PTPRK: variants seen among roughly 807,000 people sequenced by gnomAD.
PTPRK encodes protein tyrosine phosphatase receptor type K.
In PTPRK, 75 loss-of-function variants were observed where a neutral mutation model predicts 178.0. That is an observed-to-expected ratio of 0.42 (90% CI 0.35 to 0.51). The LOEUF (loss-of-function observed/expected upper bound fraction) is 0.51, where lower values mean the gene tolerates loss of function less well. Ranked by LOEUF, PTPRK falls within the 20% of genes least tolerant of loss-of-function variation. PTPRK has a pLI of 0.02. For synonymous variants in PTPRK, 637 were observed against 620.6 expected (o/e 1.03, Z -0.39); for missense variants, 1,441 against 1,797.8 (o/e 0.80, Z 3.59).
intron 3 of PTPRK, among the ~76,000 whole-genome samples, chr6:128,272,817 T>A (rs986461739): frequency 6.6e-6 from 1 of 152,152 alleles, no homozygotes. Flanking sequence ...CTCAAGGATC[T>A]AGAACTAGAA....
At chr6:128,330,169 A>G (rs1430265364) in intron 2 of PTPRK, among the ~76,000 whole-genome samples, 1 of 152,220 alleles carries the variant, frequency 6.6e-6, no homozygotes, top group Non-Finnish European at 1.5e-5. Flanking sequence ...CTTAAGAAGC[A>G]ATAATCAGGA....
In PTPRK at chr6:128,269,342, C is replaced by A. The variant is rs1819429907; in HGVS notation, c.496-26740G>T. Among the ~76,000 whole-genome samples the A allele has an allele frequency of 2.0e-5, 3 of 151,714 alleles. No individual in the cohort carries two copies. In the South Asian group the frequency reaches 6.2e-4, roughly 31 times the overall value. ...AAAGCTAAAATAAAGACAATCCCAG[C>A]AGCCAAAAAGCCAGAGACTAGATAA... On this transcript the variant is annotated intron_variant, in intron 3 of 29. Coordinates refer to ENST00000368226, the MANE Select transcript of PTPRK (RefSeq NM_002844.4).
At chr6:128,121,340 A>T (rs17055324) in intron 7 of PTPRK, among the ~76,000 whole-genome samples, 1 of 151,956 alleles carries the variant, frequency 6.6e-6, no homozygotes, top group African/African-American at 2.4e-5. Context: ...GATAGCTGCA[A>T]GTGATACAAA....
intron 7 of PTPRK, among the ~76,000 whole-genome samples, chr6:128,152,430 G>A (rs927909028): frequency 9.9e-5 from 15 of 151,914 alleles, no homozygotes; most frequent in African/African-American, 3.4e-4. Flanking sequence ...GGGATATCAG[G>A]GGAGAGGCAC....
At chr6:128,430,500 A>T (rs1248252353) in intron 1 of PTPRK, among the ~76,000 whole-genome samples, 1 of 152,232 alleles carries the variant, frequency 6.6e-6, no homozygotes, top group African/African-American at 2.4e-5. Flanking sequence ...TATACTAAGT[A>T]CTAATGATGC....
intron 2 of PTPRK, among the ~76,000 whole-genome samples, chr6:128,383,197 A>T (rs1217727877): frequency 6.6e-6 from 1 of 152,234 alleles, no homozygotes; most frequent in African/African-American, 2.4e-5. Flanking sequence ...TACATAAAGC[A>T]ACATGTTCTT....
At chr6:128,377,954 CAT>C (rs201391864) in intron 2 of PTPRK, among the ~76,000 whole-genome samples, 3,434 of 152,144 alleles carry the variant, frequency 0.023, 62 homozygotes, top group Middle Eastern at 0.044. Flanking sequence ...AAAAAGAGCA[CAT>C]GTTTCTTTGC....
intron 3 of PTPRK, among the ~76,000 whole-genome samples, chr6:128,252,205 A>G (rs753640955): frequency 2.6e-4 from 39 of 152,230 alleles, no homozygotes; most frequent in Non-Finnish European, 4.1e-4. Context: ...CTACATTCCT[A>G]TGTTTCAAAT....
chr6:128,070,538 T>C (rs908705980), intron 11 of PTPRK, among the ~76,000 whole-genome samples: 1 of 151,916 alleles, frequency 6.6e-6, no homozygotes, highest in African/African-American at 2.4e-5. Context: ...CTAAGACACA[T>C]AAATACAAAA....
intron 1 of PTPRK, among the ~76,000 whole-genome samples, chr6:128,465,725 C>T (rs950085147): frequency 1.1e-4 from 17 of 152,144 alleles, no homozygotes; most frequent in African/African-American, 4.1e-4. Context: ...GACAAGCTCT[C>T]TTGGGCATGG....
intron 2 of PTPRK, among the ~76,000 whole-genome samples, chr6:128,352,596 C>T (rs80124545): frequency 0.014 from 2,079 of 152,154 alleles, 51 homozygotes; most frequent in African/African-American, 0.046. Context: ...CTCTAAAGTG[C>T]CACGTACTCT....
intron 6 of PTPRK, among the ~76,000 whole-genome samples, chr6:128,203,322 T>C (rs1806307748): frequency 6.6e-6 from 1 of 152,122 alleles, no homozygotes; most frequent in African/African-American, 2.4e-5. Context: ...GGCAATATCA[T>C]GCTGATTGGG....
intron 1 of PTPRK, among the ~76,000 whole-genome samples, chr6:128,517,409 A>G (rs1858238394): frequency 6.6e-6 from 1 of 152,160 alleles, no homozygotes; most frequent in South Asian, 2.1e-4. Flanking sequence ...CTTACATTAT[A>G]TCAAGAGATC....
intron 1 of PTPRK, among the ~76,000 whole-genome samples, chr6:128,480,080 G>T (rs1003424145): frequency 6.6e-6 from 1 of 152,030 alleles, no homozygotes; most frequent in Admixed American, 6.6e-5. Context: ...GTGCTGCCCC[G>T]ACTCCCACTC....
chr6:128,219,123 A>C (rs769388269), intron 5 of PTPRK, 27 bp from the exon 6 acceptor site: 1 of 1,561,456 alleles, frequency 6.4e-7, no homozygotes, highest in Non-Finnish European at 8.8e-7. Flanking sequence ...ATCTTTAAAA[A>C]CAGGTTCTTA....
intron 2 of PTPRK, among the ~76,000 whole-genome samples, chr6:128,391,748 A>G (rs1481899705): frequency 6.6e-6 from 1 of 151,936 alleles, no homozygotes; most frequent in African/African-American, 2.4e-5. Context: ...ATTTTTTCTC[A>G]GATGTATTAA....
At chr6:128,100,327 AT>A (rs1251094002) in intron 7 of PTPRK, among the ~76,000 whole-genome samples, 2 of 151,966 alleles carry the variant, frequency 1.3e-5, no homozygotes, top group Non-Finnish European at 2.9e-5. Flanking sequence ...ATGAAGACAA[AT>A]TTTTTTAAAT....
At chr6:128,317,772 T>G (rs911969157) in intron 3 of PTPRK, among the ~76,000 whole-genome samples, 3 of 152,064 alleles carry the variant, frequency 2.0e-5, no homozygotes, top group African/African-American at 7.2e-5. Context: ...CATACAACAC[T>G]CTCTTTATTA....
intron 1 of PTPRK, among the ~76,000 whole-genome samples, chr6:128,477,388 G>T (rs1324332138): frequency 1.3e-5 from 2 of 151,392 alleles, no homozygotes; most frequent in Non-Finnish European, 2.9e-5. Context: ...TTGAAAAAAG[G>T]TAACATTATT....
Sources: gnomAD v4.1 joint callset for allele counts (sites outside exome capture counted in the v4.1 genomes callset) on GRCh38, gnomAD v4.1.1 for gene constraint, MANE v1.5 for transcripts, NCBI Gene and HGNC (gene_info 2026-07-23, HGNC 2026-07-21) for gene names.